Variants in HS6ST3 observed in about 807,000 individuals in gnomAD.
HS6ST3 encodes the protein heparan sulfate 6-O-sulfotransferase 3, also known as heparan-sulfate 6-O-sulfotransferase 3.
A neutral mutation model predicts 36.7 loss-of-function variants in HS6ST3; 12 were observed. That is an observed-to-expected ratio of 0.33 (90% confidence interval 0.21 to 0.53). The LOEUF is 0.53. HS6ST3 is among the 20% of genes least tolerant of loss of function. HS6ST3 has a pLI of 0.95. For missense variants in HS6ST3, 584 were observed against 640.9 expected, an observed-to-expected ratio of 0.91 and a Z score of 0.96; for synonymous variants, 240 against 257.5, an observed-to-expected ratio of 0.93 and a Z score of 0.65.
intron 1 of HS6ST3, among the ~76,000 whole-genome samples, chr13:96,472,184 G>T (rs959362402): frequency 1.1e-4 from 16 of 152,204 alleles, no homozygotes; most frequent in African/African-American, 3.9e-4. Context: ...AAAGGAGTAA[G>T]AATTGGGAAC....
intron 1 of HS6ST3, among the ~76,000 whole-genome samples, chr13:96,505,176 T>G (rs2056021320): frequency 6.6e-6 from 1 of 152,154 alleles, no homozygotes; most frequent in Non-Finnish European, 1.5e-5. Flanking sequence ...CTGCTTTCCA[T>G]CCTGTGCAAT....
chr13:96,317,350 A>ATAAAAT (rs1555297609), intron 1 of HS6ST3, among the ~76,000 whole-genome samples: 7 of 83,570 alleles, frequency 8.4e-5, no homozygotes, highest in African/African-American at 3.3e-4. Flanking sequence ...ATATATATAT[A>ATAAAAT]TATATATATA....
At chr13:96,568,885 A>C (rs9584389) in intron 1 of HS6ST3, among the ~76,000 whole-genome samples, 14,521 of 152,178 alleles carry the variant, frequency 0.095, 1,299 homozygotes, top group African/African-American at 0.24. Context: ...GAATAAGCTA[A>C]GTGTGGCCTG....
At chr13:96,716,157 CT>C (rs1875689921) in intron 1 of HS6ST3, among the ~76,000 whole-genome samples, 1 of 151,958 alleles carries the variant, frequency 6.6e-6, no homozygotes, top group South Asian at 2.1e-4. Flanking sequence ...TTTAATCACT[CT>C]TATTTCTTTA....
Position 96,112,578 on chromosome 13 carries a change from AATATAT to A in HS6ST3, c.707+21048_707+21053del, listed in dbSNP as rs59107741. On this transcript the variant is annotated intron_variant, in intron 1 of 1. Transcript: ENST00000376705. ...TAAAACCCCATCTCTAAAATAAATA[AATATAT>A]ATATATATATATATATATATATATA... Among the ~76,000 whole-genome samples, 319 of 81,224 alleles carry A rather than the reference AATATAT, an allele frequency of 3.9e-3. 41 individuals carry two copies. Among genetic ancestry groups the A allele is most frequent in the Middle Eastern group, 0.018 (3 of 166 alleles). 53.3% of individuals were successfully genotyped at this position (81,224 alleles called of 152,430 possible).
chr13:96,449,504 C>A (rs1302024540), intron 1 of HS6ST3, among the ~76,000 whole-genome samples: 1 of 152,160 alleles, frequency 6.6e-6, no homozygotes, highest in African/African-American at 2.4e-5. Context: ...TACTCCTGGA[C>A]AGTGGCTTCA....
intron 1 of HS6ST3, among the ~76,000 whole-genome samples, chr13:96,387,759 G>A (rs542537884): frequency 2.0e-5 from 3 of 152,214 alleles, no homozygotes; most frequent in South Asian, 2.1e-4. Context: ...ATCATTATTT[G>A]CTTATTTCCT....
chr13:96,327,853 C>A (rs955836865), intron 1 of HS6ST3, among the ~76,000 whole-genome samples: 11 of 149,140 alleles, frequency 7.4e-5, no homozygotes, highest in African/African-American at 2.7e-4. Context: ...TCTTTTATTT[C>A]CTTGAGCAGT....
chr13:96,176,123 C>G (rs1424476159), intron 1 of HS6ST3, among the ~76,000 whole-genome samples: 1 of 152,116 alleles, frequency 6.6e-6, no homozygotes, highest in Non-Finnish European at 1.5e-5. Context: ...GGCACCATTC[C>G]TGGCCAAATA....
chr13:96,335,787 T>A (rs2055097874), intron 1 of HS6ST3, among the ~76,000 whole-genome samples: 1 of 152,218 alleles, frequency 6.6e-6, no homozygotes, highest in South Asian at 2.1e-4. Flanking sequence ...ATGGCTTGCA[T>A]ATTTCACTGT....
At chr13:96,094,770 G>A (rs544980614) in intron 1 of HS6ST3, among the ~76,000 whole-genome samples, 1 of 152,310 alleles carries the variant, frequency 6.6e-6, no homozygotes, top group East Asian at 1.9e-4. Context: ...CCAGCACAGA[G>A]GTAACTTCTG....
chr13:96,118,026 C>G (rs756603825), intron 1 of HS6ST3, among the ~76,000 whole-genome samples: 1 of 152,006 alleles, frequency 6.6e-6, no homozygotes, highest in Non-Finnish European at 1.5e-5. Flanking sequence ...TGTACCACCA[C>G]GCCCAGCTAA....
rs560791951 is a variant in HS6ST3, at chr13:96,325,902, C to T, written c.707+234333C>T. 5.3e-5 allele frequency among the ~76,000 whole-genome samples: 8 copies of T among 152,068 alleles called. No individual in the cohort carries two copies. In the South Asian group the frequency reaches 8.3e-4, roughly 16 times the overall value. Reference sequence around the variant, plus strand: ...TTTCCCTCCTGTATTCATTATGTATCGTAAGATATGGTAATATATACACAG... The same window carrying T: ...TTTCCCTCCTGTATTCATTATGTATTGTAAGATATGGTAATATATACACAG... On this transcript the variant is annotated intron_variant, in intron 1 of 1. Transcript: ENST00000376705.
intron 1 of HS6ST3, among the ~76,000 whole-genome samples, chr13:96,426,349 T>C (rs1247397703): frequency 6.6e-6 from 1 of 152,214 alleles, no homozygotes; most frequent in East Asian, 1.9e-4. Flanking sequence ...TTTTTATTTG[T>C]TTTCTAAGGT....
chr13:96,231,358 T>C (rs1462139184), intron 1 of HS6ST3, among the ~76,000 whole-genome samples: 1 of 152,138 alleles, frequency 6.6e-6, no homozygotes, highest in Non-Finnish European at 1.5e-5. Context: ...AAGAAGTGCC[T>C]AAGAATAGGC....
At chr13:96,499,992 A>C (rs1419253294) in intron 1 of HS6ST3, among the ~76,000 whole-genome samples, 3 of 152,210 alleles carry the variant, frequency 2.0e-5, no homozygotes, top group Admixed American at 2.0e-4. Context: ...AGTGGGTTTT[A>C]GTATATCTGC....
At chr13:96,534,390 A>G (rs74107907) in intron 1 of HS6ST3, among the ~76,000 whole-genome samples, 10,606 of 152,268 alleles carry the variant, frequency 0.07, 437 homozygotes, top group African/African-American at 0.092. Flanking sequence ...ATTCAGTTTC[A>G]ATGACTAGCT....
intron 1 of HS6ST3, among the ~76,000 whole-genome samples, chr13:96,250,714 T>C (rs1269135641): frequency 6.6e-6 from 1 of 152,174 alleles, no homozygotes; most frequent in Non-Finnish European, 1.5e-5. Context: ...ATCCTCCAAC[T>C]TCTCTCCGTT....
At chr13:96,351,335 T>TTTTTTTTTTTTTTTTAAA (rs1203595829) in intron 1 of HS6ST3, among the ~76,000 whole-genome samples, 6 of 146,408 alleles carry the variant, frequency 4.1e-5, no homozygotes, top group African/African-American at 1.6e-4. Flanking sequence ...TTTTTTTTTT[T>TTTTTTTTTTTTTTTTAAA]AAAAAAAACA....
Sources: allele counts gnomAD v4.1 joint callset (sites outside exome capture counted in the v4.1 genomes callset), GRCh38; gene constraint gnomAD v4.1.1; transcripts MANE v1.5; gene names NCBI Gene and HGNC (gene_info 2026-07-23, HGNC 2026-07-21).